The following MAP2K1 variants were observed in gnomAD, a reference collection of about 807,000 sequenced individuals.
MAP2K1 encodes mitogen-activated protein kinase kinase 1.
A neutral mutation model predicts 46.3 loss-of-function variants in MAP2K1; 16 were observed. The observed-to-expected ratio is 0.35, with a 90% CI of 0.23 to 0.52. The LOEUF (loss-of-function observed/expected upper bound fraction) is 0.52, where lower values mean the gene tolerates loss of function less well. Ranked by LOEUF, MAP2K1 falls within the 20% of genes least tolerant of loss-of-function variation. MAP2K1 has a pLI of 0.94. For synonymous variants in MAP2K1, 183 were observed against 185.6 expected, an observed-to-expected ratio of 0.99 and a Z score of 0.11; for missense variants, 263 against 497.1, an observed-to-expected ratio of 0.53 and a Z score of 4.48.
At chr15:66,399,860 G>T (rs1239436724) in intron 1 of MAP2K1, among the ~76,000 whole-genome samples, 1 of 152,160 alleles carries the variant, frequency 6.6e-6, no homozygotes, top group Non-Finnish European at 1.5e-5. Context: ...CTCCCAAAGT[G>T]CTGGGATTAC....
intron 3 of MAP2K1, among the ~76,000 whole-genome samples, chr15:66,438,463 A>G (rs1243600895): frequency 3.3e-5 from 5 of 152,124 alleles, no homozygotes; most frequent in Non-Finnish European, 1.5e-5. Context: ...CTTTTTTGAG[A>G]TGCTAGGTGG....
chr15:66,403,940 C>T (rs1774994842), intron 1 of MAP2K1, among the ~76,000 whole-genome samples: 1 of 152,128 alleles, frequency 6.6e-6, no homozygotes, highest in South Asian at 2.1e-4. Context: ...AGCAAGAATT[C>T]CAAGCTCACT....
At chr15:66,413,911 CT>C (rs10649963) in intron 1 of MAP2K1, among the ~76,000 whole-genome samples, 82 of 111,518 alleles carry the variant, frequency 7.4e-4, no homozygotes, top group African/African-American at 2.2e-3. Context: ...TCTTCTTCTT[CT>C]TTTTTTTTTT....
At chr15:66,448,270 T>TA (rs1419894662) in intron 5 of MAP2K1, among the ~76,000 whole-genome samples, 9 of 152,124 alleles carry the variant, frequency 5.9e-5, no homozygotes, top group Non-Finnish European at 1.3e-4. Flanking sequence ...TGAGTGGAAT[T>TA]ACACAGTATT....
chr15:66,404,081 A>G (rs991212211), intron 1 of MAP2K1, among the ~76,000 whole-genome samples: 6 of 152,244 alleles, frequency 3.9e-5, no homozygotes, highest in Admixed American at 1.3e-4. Context: ...GCTGTTTAAC[A>G]TTCCAATAAT....
chr15:66,463,219 T>C (rs887151636), intron 5 of MAP2K1, among the ~76,000 whole-genome samples: 1 of 152,218 alleles, frequency 6.6e-6, no homozygotes, highest in African/African-American at 2.4e-5. Context: ...TTCATTTGTC[T>C]GAATCAGACT....
intron 5 of MAP2K1, among the ~76,000 whole-genome samples, chr15:66,465,629 G>A (rs191254155): frequency 1.3e-5 from 2 of 152,044 alleles, no homozygotes; most frequent in Admixed American, 1.3e-4. Context: ...ACAATATGAG[G>A]TGGTCTCTTC....
chr15:66,477,719 G>C (rs1892788200), intron 5 of MAP2K1, among the ~76,000 whole-genome samples: 1 of 152,154 alleles, frequency 6.6e-6, no homozygotes, highest in Non-Finnish European at 1.5e-5. Flanking sequence ...GGGAGAGTGT[G>C]GGCCGGGTGA....
At chr15:66,474,658 C>T (rs1433134387) in intron 5 of MAP2K1, among the ~76,000 whole-genome samples, 1 of 152,144 alleles carries the variant, frequency 6.6e-6, no homozygotes, top group Admixed American at 6.5e-5. Flanking sequence ...AGAACGCTCC[C>T]TCAGGGGTCT....
rs1388614239 is a variant in MAP2K1, at chr15:66,491,380, A to C, written c.*765A>C. 4.3e-6 allele frequency: 1 copy of C among 232,202 alleles called. No homozygotes were observed. Among genetic ancestry groups the C allele is most frequent in the African/African-American group, 2.2e-5 (1 of 45,194 alleles). The allele number at this position is 232,202 out of a possible 1,614,324, so 14.4% of individuals were successfully genotyped here. Reference sequence around the variant, plus strand: ...ATTGATCAAGATATTAAAATGTCGGATTTATCTTTCCCCATATCCAAGTAC... The same window carrying C: ...ATTGATCAAGATATTAAAATGTCGGCTTTATCTTTCCCCATATCCAAGTAC... On this transcript the variant is annotated 3_prime_UTR_variant, in exon 11 of 11. Coordinates refer to ENST00000307102, the MANE Select transcript of MAP2K1 (RefSeq NM_002755.4).
At chr15:66,421,780 CAG>C (rs1027096797) in intron 1 of MAP2K1, among the ~76,000 whole-genome samples, 4 of 149,226 alleles carry the variant, frequency 2.7e-5, no homozygotes, top group Non-Finnish European at 5.9e-5. Context: ...GCTTGGGTGA[CAG>C]AGTGACTCCA....
At chr15:66,462,363 A>T (rs1172342861) in intron 5 of MAP2K1, among the ~76,000 whole-genome samples, 1 of 151,860 alleles carries the variant, frequency 6.6e-6, no homozygotes, top group Non-Finnish European at 1.5e-5. Flanking sequence ...AGCTGGGCGT[A>T]GTGGCACATG....
At chr15:66,430,542 C>T (rs1455792493) in intron 1 of MAP2K1, among the ~76,000 whole-genome samples, 1 of 152,140 alleles carries the variant, frequency 6.6e-6, no homozygotes, top group Non-Finnish European at 1.5e-5. Flanking sequence ...AGGCCAGCCT[C>T]TAAATTCAGT....
chr15:66,429,584 T>C (rs1311032945), intron 1 of MAP2K1, among the ~76,000 whole-genome samples: 3 of 151,494 alleles, frequency 2.0e-5, no homozygotes, highest in Non-Finnish European at 4.4e-5. Context: ...ACCTGAAGGA[T>C]TGAGGTATGG....
chr15:66,441,752 CAA>C (rs35667031), intron 3 of MAP2K1, among the ~76,000 whole-genome samples: 28 of 98,758 alleles, frequency 2.8e-4, no homozygotes, highest in Non-Finnish European at 4.9e-4. Flanking sequence ...TAAAAAAAGA[CAA>C]AAAAAAAAAA....
At chr15:66,402,656 GTTA>G (rs1045341736) in intron 1 of MAP2K1, among the ~76,000 whole-genome samples, 3 of 151,906 alleles carry the variant, frequency 2.0e-5, no homozygotes, top group Admixed American at 1.3e-4. Flanking sequence ...TGATGCTGTT[GTTA>G]TTGAACATTT....
intron 1 of MAP2K1, among the ~76,000 whole-genome samples, chr15:66,406,337 G>A (rs1470309949): frequency 6.6e-6 from 1 of 152,084 alleles, no homozygotes; most frequent in Admixed American, 6.6e-5. Flanking sequence ...CTGAAGTAAA[G>A]TGAGGAGTCA....
chr15:66,445,595 A>G (rs573726605), intron 5 of MAP2K1, among the ~76,000 whole-genome samples: 37 of 152,350 alleles, frequency 2.4e-4, no homozygotes, highest in African/African-American at 8.4e-4. Context: ...ACAGGCAAAG[A>G]GAGAAACAAA....
chr15:66,452,400 G>A (rs1003543406), intron 5 of MAP2K1, among the ~76,000 whole-genome samples: 8 of 152,082 alleles, frequency 5.3e-5, no homozygotes, highest in Admixed American at 5.2e-4. Context: ...TCAATAAGAG[G>A]TAGTGATTGG....
Sources: gnomAD v4.1 joint callset for allele counts (sites outside exome capture counted in the v4.1 genomes callset) on GRCh38, gnomAD v4.1.1 for gene constraint, MANE v1.5 for transcripts, NCBI Gene and HGNC (gene_info 2026-07-23, HGNC 2026-07-21) for gene names.